ARHGAP35: variants seen among roughly 807,000 people sequenced by gnomAD.
ARHGAP35 encodes the protein Rho GTPase activating protein 35.
In ARHGAP35, 15 loss-of-function variants were observed where a neutral mutation model predicts 111.1. That is an observed-to-expected ratio of 0.13 (90% CI 0.09 to 0.21). The LOEUF (loss-of-function observed/expected upper bound fraction) is 0.21, where lower values mean the gene tolerates loss of function less well. ARHGAP35 is among the 10% of genes least tolerant of loss of function. ARHGAP35 has a pLI of 1.00. For missense variants in ARHGAP35, 1,262 were observed against 1,873.0 expected (o/e 0.67, Z 6.02); for synonymous variants, 643 against 710.3 (o/e 0.91, Z 1.51).
chr19:46,935,796 G>GT (rs1415595315), intron 2 of ARHGAP35, among the ~76,000 whole-genome samples: 1 of 152,144 alleles, frequency 6.6e-6, no homozygotes, highest in East Asian at 1.9e-4. Context: ...AATTTCAAGT[G>GT]TATTTCTTTG....
At chr19:46,862,190 C>G (rs1367205535) in intron 1 of ARHGAP35, among the ~76,000 whole-genome samples, 1 of 152,076 alleles carries the variant, frequency 6.6e-6, no homozygotes, top group Non-Finnish European at 1.5e-5. Context: ...CTCTGCCTTC[C>G]CGGGAAGCAG....
chr19:46,879,134 C>T (rs1025484694), intron 1 of ARHGAP35, among the ~76,000 whole-genome samples: 1 of 152,184 alleles, frequency 6.6e-6, no homozygotes, highest in Non-Finnish European at 1.5e-5. Flanking sequence ...TTCACAGCAT[C>T]CTCACCAGGA....
rs2056193116 is a variant in ARHGAP35 at position 46,920,649 on chromosome 19, C to A, written c.1974C>A (p.Pro658=). The change falls in exon 2 of 7, where the codon CCC becomes CCA. Residue 658 remains proline, a synonymous_variant. Coordinates refer to ENST00000672722, the MANE Select transcript of ARHGAP35 (RefSeq NM_004491.5). This position sits in a 1 kb window ranked among gnomAD's most constrained non-coding sequence, Gnocchi z 7.0. ...CTTTCCAGACGCCAACATTTCAGCC[C>A]CACGGCTGTCTCTGCCTTTACAATT... The part of the protein sequence containing the change: ...VNSFQTPTFQ[P]HGCLCLYNSK... 1 of 1,613,864 alleles carries A rather than the reference C, an allele frequency of 6.2e-7. No homozygotes were observed. Among genetic ancestry groups the A allele is most frequent in the Non-Finnish European group, 8.5e-7 (1 of 1,179,908 alleles).
chr19:46,865,272 G>T (rs1568456440), intron 1 of ARHGAP35, among the ~76,000 whole-genome samples: 1 of 152,160 alleles, frequency 6.6e-6, no homozygotes, highest in Non-Finnish European at 1.5e-5. Context: ...AAGGGCTCTT[G>T]CCCTGCCTAG....
At chr19:46,910,890 C>G (rs1444299327) in intron 1 of ARHGAP35, among the ~76,000 whole-genome samples, 1 of 151,996 alleles carries the variant, frequency 6.6e-6, no homozygotes, top group Non-Finnish European at 1.5e-5. Context: ...TATGCCCAGC[C>G]TAAATTTTTT....
chr19:46,938,598 C>A (rs2056325002), intron 3 of ARHGAP35, among the ~76,000 whole-genome samples: 1 of 151,678 alleles, frequency 6.6e-6, no homozygotes, highest in Non-Finnish European at 1.5e-5. Flanking sequence ...GGTGATCTGC[C>A]CGCCTCGGCC....
chr19:46,875,018 G>A (rs979160106), intron 1 of ARHGAP35, among the ~76,000 whole-genome samples: 1 of 151,708 alleles, frequency 6.6e-6, no homozygotes, highest in Non-Finnish European at 1.5e-5. Context: ...CACCATGTTG[G>A]TCAGGCTGGT....
At chr19:46,888,306 ATATATATATAT>A (rs1568461122) in intron 1 of ARHGAP35, among the ~76,000 whole-genome samples, 12 of 69,844 alleles carry the variant, frequency 1.7e-4, no homozygotes, top group South Asian at 4.6e-4. Flanking sequence ...ATATATATAT[ATATATATATAT>A]AAAATATTGA....
intron 3 of ARHGAP35, among the ~76,000 whole-genome samples, chr19:46,965,149 C>T (rs892868972): frequency 2.0e-5 from 3 of 152,070 alleles, no homozygotes; most frequent in Non-Finnish European, 4.4e-5. Context: ...CCCGTCTCTA[C>T]TAAAAATACA....
At chr19:46,981,278 G>C (rs2122320592) in intron 3 of ARHGAP35, among the ~76,000 whole-genome samples, 1 of 152,362 alleles carries the variant, frequency 6.6e-6, no homozygotes, top group Non-Finnish European at 1.5e-5. Context: ...CCAGACTCCA[G>C]AAAAGTCGAC....
At chr19:46,942,787 G>T (rs540523813) in intron 3 of ARHGAP35, among the ~76,000 whole-genome samples, 1 of 131,830 alleles carries the variant, frequency 7.6e-6, no homozygotes, top group East Asian at 2.3e-4. Flanking sequence ...CTGCAATCCA[G>T]CCTGGGCAAC....
chr19:46,876,240 A>G (rs1164628389), intron 1 of ARHGAP35, among the ~76,000 whole-genome samples: 1 of 150,076 alleles, frequency 6.7e-6, no homozygotes, highest in East Asian at 2.0e-4. Flanking sequence ...GATCTCACCC[A>G]CGTTCCATGG....
intron 1 of ARHGAP35, among the ~76,000 whole-genome samples, chr19:46,864,215 A>C (rs1255969180): frequency 1.3e-5 from 2 of 152,206 alleles, no homozygotes; most frequent in African/African-American, 4.8e-5. Flanking sequence ...CGTCTTGGCT[A>C]CCATTCCTGA....
intron 2 of ARHGAP35, among the ~76,000 whole-genome samples, chr19:46,936,845 CT>C (rs570390790): frequency 3.0e-3 from 390 of 128,378 alleles, no homozygotes; most frequent in Admixed American, 3.0e-3. Context: ...TTCTTGAAAT[CT>C]TTTTTTTTTT....
chr19:46,949,345 AG>A (rs1447943203), intron 3 of ARHGAP35, among the ~76,000 whole-genome samples: 1 of 152,200 alleles, frequency 6.6e-6, no homozygotes, highest in Non-Finnish European at 1.5e-5. Flanking sequence ...CTAGTTACAA[AG>A]GGGGACCACA....
chr19:46,879,587 A>AAAAGAAATAAATAAAT (rs2055946986), intron 1 of ARHGAP35, among the ~76,000 whole-genome samples: 1 of 87,678 alleles, frequency 1.1e-5, no homozygotes, highest in African/African-American at 4.4e-5. Flanking sequence ...ACTCCATCTC[A>AAAAGAAATAAATAAAT]AAATAAATAA....
chr19:46,974,238 CACTA>C (rs1210997870), intron 3 of ARHGAP35, among the ~76,000 whole-genome samples: 1 of 152,206 alleles, frequency 6.6e-6, no homozygotes, highest in South Asian at 2.1e-4. Context: ...TTAATTCTGA[CACTA>C]ACTCCCAAAG....
intron 3 of ARHGAP35, among the ~76,000 whole-genome samples, chr19:46,972,400 C>A (rs954923366): frequency 2.0e-5 from 3 of 152,236 alleles, no homozygotes; most frequent in African/African-American, 7.2e-5. Context: ...TGGGACACAG[C>A]AGGACAAAAG....
rs1264809704 is a variant in ARHGAP35 at position 46,921,993 on chromosome 19, C to T, written c.3318C>T (p.Ser1106=). 2 of 1,613,956 alleles carry T rather than the reference C, an allele frequency of 1.2e-6. No homozygotes were observed. Among genetic ancestry groups the T allele is most frequent in the Admixed American group, 1.7e-5 (1 of 60,018 alleles). ...GGAATGAAGAAGAAAACATATACTC[C>T]GTGCCCCATGACAGCACCCAAGGCA... The part of the protein sequence containing the change: ...KPRNEEENIY[S]VPHDSTQGKI... Residue 1106 remains serine, a synonymous_variant, in exon 2 of 7, where the codon TCC becomes TCT. Transcript: ENST00000672722. This position sits in a 1 kb window ranked among gnomAD's most constrained non-coding sequence, Gnocchi z 4.3.
Sources: allele counts gnomAD v4.1 joint callset (sites outside exome capture counted in the v4.1 genomes callset), GRCh38; gene constraint gnomAD v4.1.1; non-coding constraint Gnocchi (gnomAD v3.1); transcripts MANE v1.5; gene names NCBI Gene and HGNC (gene_info 2026-07-23, HGNC 2026-07-21).